Variants in PANX1 observed in about 807,000 individuals in gnomAD.
PANX1 encodes the protein pannexin 1.
Under a neutral mutation model 38.7 loss-of-function variants are expected in PANX1, and 30 were observed. The observed-to-expected ratio is 0.78, with a 90% CI of 0.58 to 1.05. PANX1 has a LOEUF of 1.05. Among genes scored for constraint, PANX1 ranks in the 50% least tolerant of loss-of-function variants. The probability of loss-of-function intolerance (pLI) is 0.00; values close to 1 mark genes in which losing one functional copy is unlikely to be tolerated. For missense variants in PANX1, 551 were observed against 517.2 expected, an observed-to-expected ratio of 1.07 and a Z score of -0.63; for synonymous variants, 230 against 212.2, an observed-to-expected ratio of 1.08 and a Z score of -0.73.
At chr11:94,153,395 G>A in intron 1 of PANX1, 96 bp from the exon 2 acceptor site, 10 of 1,251,086 alleles carry the variant, frequency 8.0e-6, no homozygotes, top group Non-Finnish European at 1.1e-5. Context: ...CTGTCCTGGT[G>A]CTCCCTAACT....
At chr11:94,148,689 C>A (rs1232314884) in intron 1 of PANX1, among the ~76,000 whole-genome samples, 1 of 152,112 alleles carries the variant, frequency 6.6e-6, no homozygotes. Flanking sequence ...GTATGTGTGT[C>A]TATAATTTAC....
At chr11:94,135,078 C>T (rs1201187530) in intron 1 of PANX1, among the ~76,000 whole-genome samples, 1 of 152,144 alleles carries the variant, frequency 6.6e-6, no homozygotes, top group Non-Finnish European at 1.5e-5. Context: ...GGCACATATC[C>T]CCTGGGAAGG....
chr11:94,149,156 G>T (rs1405460261), intron 1 of PANX1, among the ~76,000 whole-genome samples: 1 of 152,182 alleles, frequency 6.6e-6, no homozygotes, highest in East Asian at 1.9e-4. Flanking sequence ...ACAAAAAAAT[G>T]GGGGGCGTAG....
In PANX1 at chr11:94,178,512, G is replaced by C. The variant is rs149967628; in HGVS notation, c.465G>C (p.Lys155Asn). The C allele has an allele frequency of 3.2e-4, 521 of 1,614,112 alleles. 8 individuals are homozygous for C. The African/African-American group carries it at 6.5e-3, about 20-fold the overall frequency. ...ACAAAGTTTACAACCGTGCAATTAA[G>C]GCTGCAAAGAGTGCGCGTGACCTTG... ...ELDKVYNRAI[K>N]AAKSARDLDM... Residue 155 changes from lysine to asparagine, a missense_variant, in exon 3 of 5, where the codon AAG becomes AAC. By Grantham distance (94) the Lys-to-Asn change is moderately conservative (BLOSUM62 0). Coordinates refer to ENST00000227638, the MANE Select transcript of PANX1 (RefSeq NM_015368.4).
intron 1 of PANX1, among the ~76,000 whole-genome samples, chr11:94,143,045 A>G (rs1946781917): frequency 6.6e-6 from 1 of 152,260 alleles, no homozygotes; most frequent in South Asian, 2.1e-4. Context: ...TCTCATGACC[A>G]GTTGTCTACA....
chr11:94,150,640 G>A (rs548841717), intron 1 of PANX1, among the ~76,000 whole-genome samples: 47 of 151,964 alleles, frequency 3.1e-4, no homozygotes, highest in Non-Finnish European at 5.4e-4. Flanking sequence ...CAGCTGTGCC[G>A]GTCCCCTGTA....
At chr11:94,154,036 GTC>G (rs556864760) in intron 2 of PANX1, among the ~76,000 whole-genome samples, 1 of 152,298 alleles carries the variant, frequency 6.6e-6, no homozygotes, top group South Asian at 2.1e-4. Context: ...CACACACAGG[GTC>G]TCTTGCAGAA....
chr11:94,180,519 C>T (rs1947293422), intron 4 of PANX1, among the ~76,000 whole-genome samples: 1 of 152,212 alleles, frequency 6.6e-6, no homozygotes, highest in Admixed American at 6.5e-5. Flanking sequence ...CTGTCTGTCT[C>T]ACACTCTCTC....
intron 2 of PANX1, among the ~76,000 whole-genome samples, chr11:94,157,832 A>G (rs1946973749): frequency 6.6e-6 from 1 of 152,110 alleles, no homozygotes; most frequent in African/African-American, 2.4e-5. Flanking sequence ...TATGTCCTGA[A>G]TGGTATTGCC....
chr11:94,141,554 T>A (rs541930817), intron 1 of PANX1, among the ~76,000 whole-genome samples: 1 of 152,352 alleles, frequency 6.6e-6, no homozygotes, highest in East Asian at 1.9e-4. Flanking sequence ...CCCTTCCTTC[T>A]GAAATCCATC....
intron 1 of PANX1, among the ~76,000 whole-genome samples, chr11:94,147,425 T>C (rs1443124674): frequency 6.6e-6 from 1 of 152,178 alleles, no homozygotes; most frequent in African/African-American, 2.4e-5. Context: ...ATTGGAATTA[T>C]ATGGGTTTTT....
chr11:94,145,975 G>C (rs1270391860), intron 1 of PANX1, among the ~76,000 whole-genome samples: 1 of 152,126 alleles, frequency 6.6e-6, no homozygotes, highest in Admixed American at 6.5e-5. Context: ...AGGAACAATG[G>C]CATCTTAGTA....
chr11:94,157,342 C>T (rs1230367599), intron 2 of PANX1, among the ~76,000 whole-genome samples: 5 of 152,210 alleles, frequency 3.3e-5, no homozygotes, highest in African/African-American at 9.6e-5. Flanking sequence ...AACTAGTTTA[C>T]AGTCCCACCA....
Position 94,128,942 on chromosome 11 carries a change from G to A in PANX1, c.-371G>A, listed in dbSNP as rs1483209472. 1 of 163,008 alleles carries A rather than the reference G, an allele frequency of 6.1e-6. No individual in the cohort carries two copies. The highest frequency in any genetic ancestry group is 1.3e-5 in the Non-Finnish European group (1 of 75,720). The allele number at this position is 163,008 out of a possible 1,614,324, so 10.1% of individuals were successfully genotyped here. A position where few individuals can be genotyped will look rare whatever the true frequency, so the allele number is the denominator to read the frequency against. ...TTCGGCAGCCAGGGCGGCGCGGAGG[G>A]GCAGGGCCAGAGGGAAGCGCTTTGT... On this transcript the variant is annotated 5_prime_UTR_variant, in exon 1 of 5. Coordinates refer to ENST00000227638, the MANE Select transcript of PANX1 (RefSeq NM_015368.4).
In PANX1 at chr11:94,181,126, A is replaced by T. The variant is rs1378944649; in HGVS notation, c.*257A>T. On this transcript the variant is annotated 3_prime_UTR_variant, in exon 5 of 5. Transcript: ENST00000227638. ...ACTATGTGTAAGTCCTCATCAAATGAAAAGCAGAAAGACAAGAACAATTAG... is the reference window on the plus strand; with the variant it reads ...ACTATGTGTAAGTCCTCATCAAATGTAAAGCAGAAAGACAAGAACAATTAG... The T allele has an allele frequency of 6.9e-6, 3 of 435,178 alleles. No homozygotes were observed. Among genetic ancestry groups the T allele is most frequent in the Non-Finnish European group, 1.3e-5 (3 of 238,986 alleles). 27.0% of individuals were successfully genotyped at this position (435,178 alleles called of 1,614,324 possible).
At position 94,179,711 on chromosome 11, in the gene PANX1, C is replaced by G. The variant is rs770902075; in HGVS notation, c.655C>G (p.Leu219Val). ...CATCAAGTACATTAGCTGCCGCCTG[C>G]TGACACTCATCATTATACTGTTAGC... ...LIIKYISCRL[L>V]TLIIILLACI... is the part of the protein sequence containing the mutation. Residue 219 changes from leucine to valine, a missense_variant, in exon 4 of 5, where the codon CTG (leucine) becomes GTG (valine). By Grantham distance (32) the Leu-to-Val change is conservative. Coordinates refer to ENST00000227638, the MANE Select transcript of PANX1 (RefSeq NM_015368.4). 1.9e-6 allele frequency: 3 copies of G among 1,613,886 alleles called. No homozygotes were observed. In the South Asian group the frequency reaches 3.3e-5, roughly 18 times the overall value.
At chr11:94,171,452 T>C (rs1947166017) in intron 2 of PANX1, among the ~76,000 whole-genome samples, 1 of 151,700 alleles carries the variant, frequency 6.6e-6, no homozygotes, top group South Asian at 2.1e-4. Flanking sequence ...TGTTTATCCA[T>C]GTACCCCTGA....
At position 94,179,661 on chromosome 11, in the gene PANX1, CAAAG is replaced by C; in HGVS notation, c.609_612del (p.Lys204IlefsTer5). 6.2e-7 allele frequency: 1 copy of C among 1,613,314 alleles called. No individual in the cohort carries two copies. The highest frequency in any genetic ancestry group is 2.2e-5 in the East Asian group (1 of 44,880). ...CCAATTGTGGAGCAGTACTTGAAGACAAAGAAAAATTCTAATAATTTAATCATCA... is the reference window on the plus strand; with the variant it reads ...CCAATTGTGGAGCAGTACTTGAAGACAAAAATTCTAATAATTTAATCATCA... On this transcript the variant is annotated frameshift_variant, in exon 4 of 5. Coordinates refer to ENST00000227638, the MANE Select transcript of PANX1 (RefSeq NM_015368.4). LOFTEE classifies it high-confidence loss of function.
intron 2 of PANX1, among the ~76,000 whole-genome samples, chr11:94,165,444 C>A (rs1947091908): frequency 6.6e-6 from 1 of 152,110 alleles, no homozygotes; most frequent in East Asian, 1.9e-4. Flanking sequence ...ATCATAATGA[C>A]AGGATCAAAT....
Sources: allele counts gnomAD v4.1 joint callset (sites outside exome capture counted in the v4.1 genomes callset), GRCh38; gene constraint gnomAD v4.1.1; transcripts MANE v1.5; gene names NCBI Gene and HGNC (gene_info 2026-07-23, HGNC 2026-07-21).